Variants in CORIN observed in about 807,000 individuals in gnomAD.
CORIN encodes the protein atrial natriuretic peptide-converting enzyme.
In CORIN, 117 loss-of-function variants were observed where a neutral mutation model predicts 125.3. The ratio of observed to expected loss-of-function variants is 0.93; its 90% confidence interval spans 0.80 to 1.09. The LOEUF is 1.09. CORIN is among the 50% of genes least tolerant of loss of function. The pLI is 0.00. For missense variants in CORIN, 1,253 were observed against 1,306.7 expected (o/e 0.96, Z 0.63); for synonymous variants, 450 against 466.4 (o/e 0.96, Z 0.45).
chr4:47,610,074 T>A (rs1721813490), intron 19 of CORIN, among the ~76,000 whole-genome samples: 1 of 152,240 alleles, frequency 6.6e-6, no homozygotes, highest in South Asian at 2.1e-4. Flanking sequence ...TATGCATGCA[T>A]GTATCTTCAT....
In CORIN at chr4:47,772,076, CATAGATAGATAG is replaced by C. The variant is rs57915863; in HGVS notation, c.410-8502_410-8491del. Among the ~76,000 whole-genome samples, 71 of 149,122 alleles carry C rather than the reference CATAGATAGATAG, an allele frequency of 4.8e-4. No homozygotes were observed. The East Asian group carries it at 0.01, about 21-fold the overall frequency. On this transcript the variant is annotated intron_variant, in intron 3 of 21. Transcript: ENST00000273857. ...TGCCAAGCTTCAAGCTTTCACATTA[CATAGATAGATAG>C]ATAGATAGATAGATAGATAGATAGA...
intron 16 of CORIN, among the ~76,000 whole-genome samples, chr4:47,633,721 T>G (rs1722922987): frequency 6.6e-6 from 1 of 152,248 alleles, no homozygotes; most frequent in Admixed American, 6.5e-5. Flanking sequence ...CTTGTTTATC[T>G]TCACATCTTT....
chr4:47,837,495 C>T (rs2110005198), intron 1 of CORIN: 1 of 307,644 alleles, frequency 3.3e-6, no homozygotes, highest in East Asian at 1.0e-4. Context: ...GCAGCCTCCC[C>T]TGCCGCCAGT....
chr4:47,666,344 A>G (rs1724478954), intron 10 of CORIN, among the ~76,000 whole-genome samples: 1 of 152,190 alleles, frequency 6.6e-6, no homozygotes, highest in Non-Finnish European at 1.5e-5. Context: ...TGAAGTCTAC[A>G]CCTAGCACAG....
At chr4:47,820,152 A>C (rs1732446229) in intron 1 of CORIN, among the ~76,000 whole-genome samples, 1 of 152,192 alleles carries the variant, frequency 6.6e-6, no homozygotes, top group South Asian at 2.1e-4. Context: ...TTAAATACAT[A>C]GTGGCAGTCA....
At position 47,623,931 on chromosome 4, in the gene CORIN, C is replaced by G. The variant is rs1352415986; in HGVS notation, c.2333G>C (p.Arg778Thr). The change falls in exon 18 of 22, where the codon AGA becomes ACA. Residue 778 changes from arginine to threonine, a missense_variant. Transcript: ENST00000273857. ...LLVNGQSCES[R>T]SKISLLCTKQ... ...AGTACACAGAAGAGAAATTTTACTT[C>G]TGCTCTCACAAGACTGCCTGGATTT... The G allele has an allele frequency of 1.2e-6, 2 of 1,613,672 alleles. No homozygotes were observed. Among genetic ancestry groups the G allele is most frequent in the Non-Finnish European group, 1.7e-6 (2 of 1,179,696 alleles).
At chr4:47,799,749 G>A (rs997317789) in intron 2 of CORIN, among the ~76,000 whole-genome samples, 1 of 151,988 alleles carries the variant, frequency 6.6e-6, no homozygotes, top group Non-Finnish European at 1.5e-5. Flanking sequence ...TCCACTCTTG[G>A]TATATACCCA....
At chr4:47,651,668 G>A (rs904735504) in intron 13 of CORIN, among the ~76,000 whole-genome samples, 7 of 152,094 alleles carry the variant, frequency 4.6e-5, no homozygotes, top group African/African-American at 1.4e-4. Context: ...TCCTTAACTA[G>A]AGCTCTCAAT....
intron 5 of CORIN, among the ~76,000 whole-genome samples, chr4:47,733,267 T>C (rs1318008349): frequency 6.6e-6 from 1 of 152,248 alleles, no homozygotes; most frequent in Non-Finnish European, 1.5e-5. Context: ...TTGAGAGACA[T>C]GCTCAGCGCC....
chr4:47,647,607 A>G (rs1723545557), intron 13 of CORIN, among the ~76,000 whole-genome samples: 1 of 152,228 alleles, frequency 6.6e-6, no homozygotes, highest in African/African-American at 2.4e-5. Context: ...AAATAACACT[A>G]TAATGTCAGT....
At chr4:47,760,861 G>A (rs761617240) in intron 4 of CORIN, among the ~76,000 whole-genome samples, 1 of 152,182 alleles carries the variant, frequency 6.6e-6, no homozygotes, top group Non-Finnish European at 1.5e-5. Context: ...GCTTCTAAAT[G>A]AGCACTTGTT....
chr4:47,825,643 G>GA (rs201892444), intron 1 of CORIN, among the ~76,000 whole-genome samples: 3 of 137,920 alleles, frequency 2.2e-5, no homozygotes, highest in South Asian at 2.3e-4. Flanking sequence ...ACACTTACCA[G>GA]AAAAAAAAAG....
chr4:47,613,704 A>G (rs1359674253), intron 19 of CORIN, among the ~76,000 whole-genome samples: 2 of 150,356 alleles, frequency 1.3e-5, no homozygotes, highest in Non-Finnish European at 3.0e-5. Flanking sequence ...AAACTATCGC[A>G]AGAACAAAAA....
At chr4:47,644,065 T>C (rs1208669037) in intron 14 of CORIN, among the ~76,000 whole-genome samples, 1 of 152,216 alleles carries the variant, frequency 6.6e-6, no homozygotes. Context: ...ACAGCACCTT[T>C]TTTTTGATTG....
chr4:47,637,710 A>T (rs1448294541), intron 16 of CORIN, among the ~76,000 whole-genome samples: 1 of 152,194 alleles, frequency 6.6e-6, no homozygotes, highest in African/African-American at 2.4e-5. Context: ...GATGTGTGGA[A>T]ATGCCTGGAT....
intron 3 of CORIN, among the ~76,000 whole-genome samples, chr4:47,774,029 A>G (rs1730177971): frequency 6.6e-6 from 1 of 152,106 alleles, no homozygotes; most frequent in African/African-American, 2.4e-5. Context: ...AAAACTACCT[A>G]TCGGCATTTT....
intron 5 of CORIN, among the ~76,000 whole-genome samples, chr4:47,739,303 T>C (rs1014356001): frequency 6.6e-6 from 1 of 152,080 alleles, no homozygotes; most frequent in Non-Finnish European, 1.5e-5. Flanking sequence ...CACTGGGAGA[T>C]AAGCAACTCA....
chr4:47,639,274 T>G (rs1317343870), intron 16 of CORIN, among the ~76,000 whole-genome samples: 2 of 152,218 alleles, frequency 1.3e-5, no homozygotes, highest in East Asian at 3.8e-4. Context: ...TTGTATAATT[T>G]TAATAGAAAT....
At chr4:47,836,885 C>G (rs557040540) in intron 1 of CORIN, among the ~76,000 whole-genome samples, 1 of 152,362 alleles carries the variant, frequency 6.6e-6, no homozygotes, top group Admixed American at 6.5e-5. Flanking sequence ...ACAGCCTGCC[C>G]TCTCTGCCTG....
Sources: allele counts gnomAD v4.1 joint callset (sites outside exome capture counted in the v4.1 genomes callset), GRCh38; gene constraint gnomAD v4.1.1; transcripts MANE v1.5; gene names NCBI Gene and HGNC (gene_info 2026-07-23, HGNC 2026-07-21).